Variants in ATP8A1 observed in about 807,000 individuals in gnomAD.
ATP8A1 encodes ATPase phospholipid transporting 8A1.
ATP8A1 carries 90 observed loss-of-function variants against 177.7 expected under a neutral mutation model. That is an observed-to-expected ratio of 0.51 (90% CI 0.43 to 0.60). The LOEUF (loss-of-function observed/expected upper bound fraction) is 0.60, where lower values mean the gene tolerates loss of function less well. Ranked by LOEUF, ATP8A1 falls within the 20% of genes least tolerant of loss-of-function variation. The probability of loss-of-function intolerance (pLI) is 0.00; values close to 1 mark genes in which losing one functional copy is unlikely to be tolerated. For missense variants in ATP8A1, 1,072 were observed against 1,392.8 expected, an observed-to-expected ratio of 0.77 and a Z score of 3.67; for synonymous variants, 493 against 485.9, an observed-to-expected ratio of 1.01 and a Z score of -0.19.
At chr4:42,599,482 G>GA (rs371202792) in intron 6 of ATP8A1, among the ~76,000 whole-genome samples, 1 of 152,010 alleles carries the variant, frequency 6.6e-6, no homozygotes, top group East Asian at 1.9e-4. Context: ...AAAAACCAAA[G>GA]AAAAAATAGG....
At position 42,636,150 on chromosome 4, in the gene ATP8A1, ACACACACG is replaced by A. The variant is rs1553920734; in HGVS notation, c.50-9049_50-9042del. Among the ~76,000 whole-genome samples the A allele has an allele frequency of 4.4e-3, 140 of 31,914 alleles. 2 individuals carry two copies. The highest frequency in any genetic ancestry group is 9.2e-3 in the African/African-American group (132 of 14,300). 20.9% of individuals were successfully genotyped at this position (31,914 alleles called of 152,430 possible). ...CACACACACACACACACACACACACACACACACGCACACACACACACATAAGCTTCTTA... is the reference window on the plus strand; with the variant it reads ...CACACACACACACACACACACACACACACACACACACACATAAGCTTCTTA... On this transcript the variant is annotated intron_variant, in intron 1 of 36. Transcript: ENST00000381668.
chr4:42,581,350 ATCTTGATC>A (rs1490413100), intron 10 of ATP8A1, among the ~76,000 whole-genome samples: 2 of 152,052 alleles, frequency 1.3e-5, no homozygotes, highest in African/African-American at 4.8e-5. Flanking sequence ...AGCCAGCATG[ATCTTGATC>A]TCCTGACCTT....
At chr4:42,428,806 G>A (rs1714924455) in intron 33 of ATP8A1, among the ~76,000 whole-genome samples, 1 of 152,054 alleles carries the variant, frequency 6.6e-6, no homozygotes, top group Admixed American at 6.5e-5. Flanking sequence ...AACATGTTTT[G>A]ATGCCTGGAA....
intron 20 of ATP8A1, among the ~76,000 whole-genome samples, chr4:42,532,940 C>T (rs991207502): frequency 1.5e-4 from 23 of 152,182 alleles, no homozygotes; most frequent in Non-Finnish European, 2.9e-4. Context: ...ACTTTGTACG[C>T]CTATCCCAAA....
chr4:42,608,608 T>C (rs1448335186), intron 5 of ATP8A1, among the ~76,000 whole-genome samples: 6 of 152,182 alleles, frequency 3.9e-5, no homozygotes, highest in Non-Finnish European at 8.8e-5. Context: ...TCTGCCTGCC[T>C]TGGCCTCCCA....
intron 14 of ATP8A1, among the ~76,000 whole-genome samples, chr4:42,571,620 T>G (rs1221504942): frequency 6.6e-6 from 1 of 152,130 alleles, no homozygotes; most frequent in African/African-American, 2.4e-5. Flanking sequence ...AAGAAGCAAT[T>G]AGCTGAAATG....
chr4:42,524,296 AAATTGAATAACAATTTT>A (rs2153199237), intron 21 of ATP8A1, among the ~76,000 whole-genome samples: 1 of 152,330 alleles, frequency 6.6e-6, no homozygotes, highest in African/African-American at 2.4e-5. Context: ...GAGTTGTAAT[AAATTGAATAACAATTTT>A]AATAGTTACG....
chr4:42,603,760 G>A (rs1735528579), intron 5 of ATP8A1, among the ~76,000 whole-genome samples: 1 of 152,046 alleles, frequency 6.6e-6, no homozygotes, highest in Non-Finnish European at 1.5e-5. Flanking sequence ...CCTCCCAACT[G>A]GATGTCTGTA....
chr4:42,610,577 G>A (rs1736263223), intron 5 of ATP8A1, among the ~76,000 whole-genome samples: 1 of 122,662 alleles, frequency 8.2e-6, no homozygotes. Context: ...TTGCTCCTTT[G>A]TGTGCAAAAA....
chr4:42,546,228 T>C (rs1407113356), intron 19 of ATP8A1, among the ~76,000 whole-genome samples: 2 of 152,038 alleles, frequency 1.3e-5, no homozygotes, highest in African/African-American at 4.8e-5. Context: ...GCATTTAACA[T>C]ACTCTGTTCT....
chr4:42,574,431 C>T (rs564473900), intron 14 of ATP8A1, among the ~76,000 whole-genome samples, 188 bp downstream of exon 14: 1 of 152,156 alleles, frequency 6.6e-6, no homozygotes, highest in East Asian at 1.9e-4. Context: ...TCATGTCATC[C>T]CAAATGAAAA....
At chr4:42,430,944 C>T (rs1474961398) in intron 33 of ATP8A1, among the ~76,000 whole-genome samples, 1 of 151,990 alleles carries the variant, frequency 6.6e-6, no homozygotes, top group African/African-American at 2.4e-5. Context: ...AACAGCACCC[C>T]ACCCCACCCC....
rs1286801995 is a variant in ATP8A1 at position 42,586,986 on chromosome 4, GCCCTCTGTGAT to G, written c.595-521_595-511del. Among the ~76,000 whole-genome samples the G allele has an allele frequency of 7.9e-5, 12 of 152,130 alleles. No homozygotes were observed. In the East Asian group the frequency reaches 2.3e-3, roughly 29 times the overall value. On this transcript the variant is annotated intron_variant, in intron 8 of 36. Transcript: ENST00000381668. ...TCACACAGTGGCAGTCTGGGTCCAG[GCCCTCTGTGAT>G]GATCTAGTTCCAACACATCCCAACC... is the stretch of plus-strand genomic sequence containing the variant.
At chr4:42,510,903 T>C (rs1248359511) in intron 22 of ATP8A1, among the ~76,000 whole-genome samples, 1 of 152,192 alleles carries the variant, frequency 6.6e-6, no homozygotes, top group African/African-American at 2.4e-5. Flanking sequence ...ATCAAAGATG[T>C]AGGGCCAGCA....
intron 5 of ATP8A1, among the ~76,000 whole-genome samples, chr4:42,609,892 C>T (rs1736199927): frequency 1.3e-5 from 2 of 152,142 alleles, no homozygotes; most frequent in Non-Finnish European, 2.9e-5. Context: ...TTTCAAAAGA[C>T]TCCGAAAAAT....
Position 42,490,847 on chromosome 4 carries a change from T to C in ATP8A1, c.2152-5179A>G, listed in dbSNP as rs142870067. 6.6e-3 allele frequency among the ~76,000 whole-genome samples: 1,006 copies of C among 152,334 alleles called. 2 individuals carry two copies. Among genetic ancestry groups the C allele is most frequent in the Non-Finnish European group, 0.011 (730 of 68,024 alleles). On this transcript the variant is annotated intron_variant, in intron 24 of 36. Transcript: ENST00000381668. ...TCTTTTGGATCCCTGAAATACTTCA[T>C]TTACAGTATACTTATACAAGGTAGC...
chr4:42,576,494 A>AAAAAAAAC (rs1732471895), intron 12 of ATP8A1, among the ~76,000 whole-genome samples: 1 of 150,466 alleles, frequency 6.6e-6, no homozygotes, highest in Non-Finnish European at 1.5e-5. Context: ...AAAAAAAAAA[A>AAAAAAAAC]AAAAAAAAAA....
chr4:42,597,684 C>T (rs539375754), intron 6 of ATP8A1, among the ~76,000 whole-genome samples: 1 of 152,174 alleles, frequency 6.6e-6, no homozygotes, highest in East Asian at 1.9e-4. Flanking sequence ...GTAAATAATG[C>T]TACAATAAAC....
At chr4:42,503,584 T>C in intron 23 of ATP8A1, 70 bp from the exon 24 acceptor site, 1 of 1,009,668 alleles carries the variant, frequency 9.9e-7, no homozygotes, top group Non-Finnish European at 1.5e-6. Flanking sequence ...AAAACAATGA[T>C]ATGTACTATG....
Sources: allele counts gnomAD v4.1 joint callset (sites outside exome capture counted in the v4.1 genomes callset), GRCh38; gene constraint gnomAD v4.1.1; transcripts MANE v1.5; gene names NCBI Gene and HGNC (gene_info 2026-07-23, HGNC 2026-07-21).